Variants in C9orf153 observed in about 807,000 individuals in gnomAD.
The protein encoded by C9orf153 is uncharacterized protein C9orf153.
In C9orf153, 10 loss-of-function variants were observed where a neutral mutation model predicts 9.0. The ratio of observed to expected loss-of-function variants is 1.11; its 90% confidence interval spans 0.69 to 1.89. The LOEUF (loss-of-function observed/expected upper bound fraction) is 1.89. Among genes scored for constraint, C9orf153 ranks in the 40% most tolerant of loss-of-function variants. The pLI, the probability that C9orf153 is intolerant of heterozygous loss-of-function variation, is 0.00. For missense variants in C9orf153, 108 were observed against 111.0 expected (o/e 0.97, Z 0.12); for synonymous variants, 35 against 37.3 (o/e 0.94, Z 0.23).
At chr9:86,243,158 A>G (rs1276098609) in intron 1 of C9orf153, among the ~76,000 whole-genome samples, 2 of 152,148 alleles carry the variant, frequency 1.3e-5, no homozygotes, top group African/African-American at 2.4e-5. Flanking sequence ...ATTAGTCTCT[A>G]TGGAAAGTGT....
At chr9:86,231,859 A>G (rs1824478663) in intron 1 of C9orf153, among the ~76,000 whole-genome samples, 1 of 152,098 alleles carries the variant, frequency 6.6e-6, no homozygotes, top group Non-Finnish European at 1.5e-5. Context: ...TTTACCTAAA[A>G]CCTGTCAATG....
chr9:86,241,554 G>A (rs1452073768), intron 1 of C9orf153, among the ~76,000 whole-genome samples: 4 of 152,182 alleles, frequency 2.6e-5, no homozygotes, highest in Non-Finnish European at 4.4e-5. Context: ...AGACTTGGGC[G>A]ATTCTCATGC....
At chr9:86,251,533 G>C (rs1824993500) in intron 1 of C9orf153, among the ~76,000 whole-genome samples, 1 of 151,962 alleles carries the variant, frequency 6.6e-6, no homozygotes, top group African/African-American at 2.4e-5. Context: ...AATAAGAAAA[G>C]TAGAATGTGG....
At chr9:86,224,637 T>G (rs1824278229) in intron 3 of C9orf153, among the ~76,000 whole-genome samples, 1 of 152,016 alleles carries the variant, frequency 6.6e-6, no homozygotes, top group African/African-American at 2.4e-5. Flanking sequence ...TCCATATATA[T>G]GTACAATGAC....
Position 86,228,038 on chromosome 9 carries a change from CAAA to C in C9orf153, c.67-11_67-9del. On this transcript the variant is annotated splice_polypyrimidine_tract_variant and intron_variant, in intron 2 of 3. Coordinates refer to ENST00000339137, the MANE Select transcript of C9orf153 (RefSeq NM_001276366.4). The stretch of plus-strand genomic sequence containing the variant: ...TGCATATAATTCTGGAAGCTGTGGA[CAAA>C]AAAAAAAGTGGTAAGTCACGAGACT... 1.6e-6 allele frequency: 2 copies of C among 1,283,820 alleles called. No homozygotes were observed. Among genetic ancestry groups the C allele is most frequent in the South Asian group, 1.6e-5 (1 of 62,116 alleles). The allele number at this position is 1,283,820 out of a possible 1,614,324, so 79.5% of individuals were successfully genotyped here.
intron 1 of C9orf153, among the ~76,000 whole-genome samples, chr9:86,245,600 C>A (rs1352791732): frequency 6.6e-6 from 1 of 152,152 alleles, no homozygotes; most frequent in African/African-American, 2.4e-5. Context: ...TTGCACGCTT[C>A]AGTTTGTTTA....
chr9:86,222,410 A>G (rs1229176839), intron 3 of C9orf153, among the ~76,000 whole-genome samples: 3 of 152,008 alleles, frequency 2.0e-5, no homozygotes. Flanking sequence ...AGGATCCAAA[A>G]ACAGGGAGGA....
At chr9:86,243,854 G>T (rs1210145289) in intron 1 of C9orf153, among the ~76,000 whole-genome samples, 2 of 152,166 alleles carry the variant, frequency 1.3e-5, no homozygotes, top group Admixed American at 6.5e-5. Context: ...ACAATCAGTT[G>T]GTCTCACAGT....
Position 86,232,046 on chromosome 9 carries a change from C to A in C9orf153, c.-26-2417G>T, listed in dbSNP as rs544510703. On this transcript the variant is annotated intron_variant, in intron 1 of 3. Transcript: ENST00000339137. The stretch of plus-strand genomic sequence containing the variant: ...TTCTCTCTCTCTCCCTGCCACCTCC[C>A]AATTTTAATCAGCAGTGCCAATATC... Among the ~76,000 whole-genome samples the A allele has an allele frequency of 2.8e-4, 43 of 152,226 alleles. 1 individual carries two copies. In the South Asian group the frequency reaches 8.5e-3, roughly 30 times the overall value.
intron 3 of C9orf153, among the ~76,000 whole-genome samples, chr9:86,224,479 A>G (rs915556936): frequency 6.6e-6 from 1 of 152,176 alleles, no homozygotes. Context: ...TAAGGTGAGG[A>G]TAGTTAACAA....
intron 1 of C9orf153, among the ~76,000 whole-genome samples, chr9:86,241,695 C>T (rs1364953972): frequency 6.6e-6 from 1 of 152,048 alleles, no homozygotes; most frequent in African/African-American, 2.4e-5. Context: ...AGCAAGATCT[C>T]AGCTAATGCA....
rs148265837 is a variant in C9orf153, at chr9:86,256,113, T to C, written c.-27+3437A>G. 1.8e-4 allele frequency among the ~76,000 whole-genome samples: 28 copies of C among 152,380 alleles called. No individual in the cohort carries two copies. The East Asian group carries it at 4.2e-3, about 23-fold the overall frequency. ...AATGTGCATTCACAGATGATTCTGA[T>C]GCGTGAAATATCCACTACTGTCTTC... On this transcript the variant is annotated intron_variant, in intron 1 of 3. Transcript: ENST00000339137.
chr9:86,236,284 C>A (rs977794301), intron 1 of C9orf153, among the ~76,000 whole-genome samples: 1 of 152,118 alleles, frequency 6.6e-6, no homozygotes, highest in Non-Finnish European at 1.5e-5. Context: ...GGCGTGGTGT[C>A]TCATGCCTGT....
In C9orf153 at chr9:86,232,224, G is replaced by A. The variant is rs149837248; in HGVS notation, c.-26-2595C>T. On this transcript the variant is annotated intron_variant, in intron 1 of 3. Transcript: ENST00000339137. The stretch of plus-strand genomic sequence containing the variant: ...TGCTCATTCTCTTTGCTAAACTACC[G>A]TTGGGTGCATTTCCCTCTCACTGAA... Among the ~76,000 whole-genome samples the A allele has an allele frequency of 7.2e-5, 11 of 152,316 alleles. No homozygotes were observed. The East Asian group carries it at 1.9e-3, about 27-fold the overall frequency.
chr9:86,239,642 G>A (rs763249769), intron 1 of C9orf153, among the ~76,000 whole-genome samples: 1 of 152,216 alleles, frequency 6.6e-6, no homozygotes, highest in South Asian at 2.1e-4. Context: ...GGAAGTGAGT[G>A]CCAATGGGCA....
At chr9:86,233,926 T>C (rs1450177202) in intron 1 of C9orf153, among the ~76,000 whole-genome samples, 1 of 151,858 alleles carries the variant, frequency 6.6e-6, no homozygotes, top group African/African-American at 2.4e-5. Context: ...TTACTAAAAA[T>C]ACAAAAATTA....
At chr9:86,240,844 G>A (rs1824725622) in intron 1 of C9orf153, among the ~76,000 whole-genome samples, 1 of 150,574 alleles carries the variant, frequency 6.6e-6, no homozygotes, top group African/African-American at 2.4e-5. Flanking sequence ...GAGTAGCTAG[G>A]ACTATAGATG....
At chr9:86,222,293 T>C (rs1824221242) in intron 3 of C9orf153, among the ~76,000 whole-genome samples, 1 of 152,104 alleles carries the variant, frequency 6.6e-6, no homozygotes, top group African/African-American at 2.4e-5. Context: ...GAGTGGACCC[T>C]GCAGAGCCCC....
intron 1 of C9orf153, among the ~76,000 whole-genome samples, chr9:86,236,563 A>G (rs922825406): frequency 1.2e-4 from 18 of 151,534 alleles, no homozygotes; most frequent in East Asian, 3.9e-4. Context: ...AAAAAAAAAA[A>G]AAAAGAAAAG....
Sources: gnomAD v4.1 joint callset for allele counts (sites outside exome capture counted in the v4.1 genomes callset) on GRCh38, gnomAD v4.1.1 for gene constraint, MANE v1.5 for transcripts, NCBI Gene and HGNC (gene_info 2026-07-23, HGNC 2026-07-21) for gene names.